Variants in PDSS2 observed in about 807,000 individuals in gnomAD.
The protein encoded by PDSS2 is decaprenyl diphosphate synthase subunit 2.
In PDSS2, 31 loss-of-function variants were observed where a neutral mutation model predicts 44.5. The ratio of observed to expected loss-of-function variants is 0.70; its 90% confidence interval spans 0.52 to 0.94. PDSS2 has a LOEUF of 0.94. Ranked by LOEUF, PDSS2 falls within the 40% of genes least tolerant of loss-of-function variation. The pLI is 0.00. For missense variants in PDSS2, 452 were observed against 482.2 expected (o/e 0.94, Z 0.59); for synonymous variants, 157 against 180.3 (o/e 0.87, Z 1.03).
intron 2 of PDSS2, among the ~76,000 whole-genome samples, chr6:107,291,668 G>C (rs1343760423): frequency 6.6e-6 from 1 of 151,296 alleles, no homozygotes; most frequent in Non-Finnish European, 1.5e-5. Flanking sequence ...GCACAGCCTA[G>C]AATTCTGTTT....
chr6:107,260,947 C>A (rs957229036), intron 3 of PDSS2, among the ~76,000 whole-genome samples: 3 of 152,138 alleles, frequency 2.0e-5, no homozygotes, highest in African/African-American at 7.2e-5. Context: ...CAGGCTTGAG[C>A]CATCGCGCCT....
chr6:107,344,791 G>T (rs960895840), intron 1 of PDSS2, among the ~76,000 whole-genome samples: 1 of 152,040 alleles, frequency 6.6e-6, no homozygotes, highest in Non-Finnish European at 1.5e-5. Context: ...ATAAAATGTC[G>T]TGATCAATCA....
chr6:107,254,773 C>T (rs935387026), intron 3 of PDSS2, among the ~76,000 whole-genome samples: 9 of 152,138 alleles, frequency 5.9e-5, no homozygotes, highest in Non-Finnish European at 1.2e-4. Flanking sequence ...GTGATGTAAA[C>T]TGAAAGACTG....
chr6:107,336,116 G>A (rs890192706), intron 1 of PDSS2, among the ~76,000 whole-genome samples: 11 of 151,848 alleles, frequency 7.2e-5, no homozygotes, highest in East Asian at 1.9e-4. Context: ...TTACCCAGGC[G>A]TGGTGGCAGG....
chr6:107,285,622 G>T (rs1429790699), intron 2 of PDSS2, among the ~76,000 whole-genome samples: 1 of 152,010 alleles, frequency 6.6e-6, no homozygotes, highest in African/African-American at 2.4e-5. Flanking sequence ...AAATCATTAG[G>T]GAAAAGATGG....
At chr6:107,204,170 T>C (rs1469878540) in intron 6 of PDSS2, among the ~76,000 whole-genome samples, 1 of 152,072 alleles carries the variant, frequency 6.6e-6, no homozygotes, top group Non-Finnish European at 1.5e-5. Context: ...CTCGATCTCC[T>C]GACCTCGTGA....
intron 1 of PDSS2, among the ~76,000 whole-genome samples, chr6:107,381,344 G>T (rs2114464890): frequency 6.6e-6 from 1 of 152,258 alleles, no homozygotes; most frequent in East Asian, 1.9e-4. Context: ...TATGTTAAAT[G>T]CTATTAAATA....
chr6:107,170,114 G>A (rs192384911), intron 7 of PDSS2, among the ~76,000 whole-genome samples: 9 of 152,282 alleles, frequency 5.9e-5, no homozygotes, highest in East Asian at 1.9e-4. Context: ...CTTGAGCAGC[G>A]GTGGGCTTCA....
At chr6:107,333,402 T>C (rs1456288685) in intron 2 of PDSS2, among the ~76,000 whole-genome samples, 1 of 152,192 alleles carries the variant, frequency 6.6e-6, no homozygotes, top group Admixed American at 6.5e-5. Flanking sequence ...AAATGAGTAA[T>C]ACATACTTAC....
chr6:107,261,907 C>CTTTTT (rs58274022), intron 3 of PDSS2, among the ~76,000 whole-genome samples: 26 of 117,098 alleles, frequency 2.2e-4, no homozygotes, highest in Non-Finnish European at 3.0e-4. Flanking sequence ...TCTTTCTTTT[C>CTTTTT]TTTTTTTTTT....
chr6:107,419,923 T>C (rs190314450), intron 1 of PDSS2, among the ~76,000 whole-genome samples: 2 of 152,322 alleles, frequency 1.3e-5, no homozygotes, highest in East Asian at 3.9e-4. Context: ...ACATGTAGTG[T>C]ATAAGGCATC....
intron 1 of PDSS2, among the ~76,000 whole-genome samples, chr6:107,352,774 C>A (rs1778472916): frequency 6.6e-6 from 1 of 152,138 alleles, no homozygotes; most frequent in African/African-American, 2.4e-5. Context: ...TTTTTGGTTG[C>A]CACACCTTGG....
intron 2 of PDSS2, among the ~76,000 whole-genome samples, chr6:107,298,616 T>C (rs1776588866): frequency 6.6e-6 from 1 of 152,204 alleles, no homozygotes; most frequent in East Asian, 1.9e-4. Context: ...TACATACATG[T>C]GTGCATAGAT....
chr6:107,336,960 C>A (rs973416920), intron 1 of PDSS2, among the ~76,000 whole-genome samples: 4 of 141,144 alleles, frequency 2.8e-5, no homozygotes, highest in Admixed American at 2.2e-4. Flanking sequence ...CAAGTCTGAC[C>A]AAATCACACA....
intron 7 of PDSS2, among the ~76,000 whole-genome samples, chr6:107,171,438 A>G (rs566808258): frequency 1.6e-4 from 25 of 152,292 alleles, no homozygotes; most frequent in African/African-American, 6.0e-4. Flanking sequence ...GCTAGGTAAC[A>G]GGTGTGAACC....
chr6:107,349,994 T>C (rs1778382535), intron 1 of PDSS2, among the ~76,000 whole-genome samples: 1 of 152,234 alleles, frequency 6.6e-6, no homozygotes, highest in African/African-American at 2.4e-5. Flanking sequence ...ATTCCCTGAC[T>C]TTCATGGCCT....
chr6:107,248,847 T>C (rs1774718856), intron 3 of PDSS2, among the ~76,000 whole-genome samples: 1 of 152,236 alleles, frequency 6.6e-6, no homozygotes, highest in Non-Finnish European at 1.5e-5. Flanking sequence ...CACATGAACC[T>C]TTCCCTCTAT....
At chr6:107,277,830 G>C (rs546279593) in intron 2 of PDSS2, among the ~76,000 whole-genome samples, 172 of 152,094 alleles carry the variant, frequency 1.1e-3, no homozygotes, top group African/African-American at 3.9e-3. Flanking sequence ...GCGGGTGCCT[G>C]ACTAATTTTT....
At chr6:107,210,614 C>T (rs771839914) in intron 5 of PDSS2, 44 bp from the exon 6 acceptor site, 2 of 1,284,572 alleles carry the variant, frequency 1.6e-6, no homozygotes, top group Admixed American at 1.7e-5. Context: ...AATGTATATA[C>T]ACTAGTATGT....
Sources: allele counts gnomAD v4.1 joint callset (sites outside exome capture counted in the v4.1 genomes callset), GRCh38; gene constraint gnomAD v4.1.1; transcripts MANE v1.5; gene names NCBI Gene and HGNC (gene_info 2026-07-23, HGNC 2026-07-21).